ABI2: variants seen among roughly 807,000 people sequenced by gnomAD.
The protein encoded by ABI2 is abl interactor 2, also known as abelson interactor 2.
A neutral mutation model predicts 59.2 loss-of-function variants in ABI2; 25 were observed. That is an observed-to-expected ratio of 0.42 (90% CI 0.31 to 0.59). The LOEUF (loss-of-function observed/expected upper bound fraction) is 0.59. Ranked by LOEUF, ABI2 falls within the 20% of genes least tolerant of loss-of-function variation. The probability of loss-of-function intolerance (pLI) is 0.14; values close to 1 mark genes in which losing one functional copy is unlikely to be tolerated. For synonymous variants in ABI2, 213 were observed against 235.5 expected, an observed-to-expected ratio of 0.90 and a Z score of 0.87; for missense variants, 545 against 681.8, an observed-to-expected ratio of 0.80 and a Z score of 2.23.
chr2:203,378,302 G>A (rs1048340391), intron 2 of ABI2, among the ~76,000 whole-genome samples: 28 of 151,962 alleles, frequency 1.8e-4, no homozygotes, highest in South Asian at 4.2e-4. Flanking sequence ...TAGTAGAGAC[G>A]GGGTTTCACC....
At chr2:203,343,283 G>A (rs1304209802) in intron 1 of ABI2, among the ~76,000 whole-genome samples, 2 of 152,208 alleles carry the variant, frequency 1.3e-5, no homozygotes, top group African/African-American at 4.8e-5. Flanking sequence ...AGAATCGCAT[G>A]AACTCGGGAA....
At chr2:203,355,937 T>C (rs1232066857) in intron 1 of ABI2, among the ~76,000 whole-genome samples, 1 of 151,446 alleles carries the variant, frequency 6.6e-6, no homozygotes, top group African/African-American at 2.4e-5. Flanking sequence ...AGATTGGAAA[T>C]AATTTTTTCC....
rs148025289 is a variant in ABI2 at position 203,363,908 on chromosome 2, G to A, written c.118-2969G>A. On this transcript the variant is annotated intron_variant, in intron 1 of 11. Transcript: ENST00000261018. ...GACTCCCAAGTAGCTGGGATTACAGGCATGTGCCACCATGCCTGGCTAATT... is the reference window on the plus strand; with the variant it reads ...GACTCCCAAGTAGCTGGGATTACAGACATGTGCCACCATGCCTGGCTAATT... Among the ~76,000 whole-genome samples, 101 of 151,994 alleles carry A rather than the reference G, an allele frequency of 6.6e-4. 1 individual carries two copies. Among genetic ancestry groups the A allele is most frequent in the Middle Eastern group, 3.4e-3 (1 of 294 alleles).
chr2:203,373,807 G>T (rs2095485622), intron 2 of ABI2, among the ~76,000 whole-genome samples: 2 of 152,210 alleles, frequency 1.3e-5, no homozygotes, highest in Admixed American at 6.5e-5. Flanking sequence ...CTTCTCAAGA[G>T]CTAGGTATTG....
intron 2 of ABI2, among the ~76,000 whole-genome samples, chr2:203,374,454 G>C (rs1305029516): frequency 6.8e-6 from 1 of 146,858 alleles, no homozygotes; most frequent in South Asian, 2.1e-4. Context: ...AGCTGAGATC[G>C]TGCCACTGCA....
intron 9 of ABI2, among the ~76,000 whole-genome samples, chr2:203,406,072 A>G (rs925650789): frequency 2.0e-5 from 3 of 152,212 alleles, no homozygotes; most frequent in African/African-American, 7.2e-5. Flanking sequence ...CCAGCCAATG[A>G]AATAGGAATA....
At chr2:203,387,038 T>TC (rs2096554683) in intron 4 of ABI2, among the ~76,000 whole-genome samples, 1 of 148,868 alleles carries the variant, frequency 6.7e-6, no homozygotes. Flanking sequence ...TCCTTTTTTT[T>TC]CCCCGCAGGC....
At chr2:203,376,535 A>G (rs1039024135) in intron 2 of ABI2, among the ~76,000 whole-genome samples, 1 of 152,228 alleles carries the variant, frequency 6.6e-6, no homozygotes, top group Admixed American at 6.5e-5. Flanking sequence ...AAAAGCAACA[A>G]CAAATATATT....
intron 11 of ABI2, among the ~76,000 whole-genome samples, chr2:203,423,956 T>C (rs1030478512): frequency 3.3e-5 from 5 of 152,198 alleles, no homozygotes; most frequent in Non-Finnish European, 7.3e-5. Flanking sequence ...AGCAGAAACA[T>C]TTAGAAGAAC....
intron 1 of ABI2, among the ~76,000 whole-genome samples, chr2:203,361,280 G>C (rs12474416): frequency 6.6e-6 from 1 of 151,868 alleles, no homozygotes; most frequent in Non-Finnish European, 1.5e-5. Flanking sequence ...CAATTCTCGG[G>C]CTTAAATCAC....
intron 1 of ABI2, among the ~76,000 whole-genome samples, chr2:203,341,485 C>A (rs573845550): frequency 6.8e-4 from 104 of 152,274 alleles, no homozygotes; most frequent in African/African-American, 2.4e-3. Context: ...GAGGCTGAGG[C>A]AGGCAGACTT....
At chr2:203,355,526 A>G (rs1181327493) in intron 1 of ABI2, among the ~76,000 whole-genome samples, 2 of 151,466 alleles carry the variant, frequency 1.3e-5, no homozygotes, top group African/African-American at 4.9e-5. Flanking sequence ...AAAGAAAACA[A>G]CAAAAAACAA....
rs138552153 is a variant in ABI2, at chr2:203,365,471, A to G, written c.118-1406A>G. Among the ~76,000 whole-genome samples the G allele has an allele frequency of 2.3e-3, 343 of 152,234 alleles. 3 individuals carry two copies. The highest frequency in any genetic ancestry group is 7.8e-3 in the African/African-American group (324 of 41,552). On this transcript the variant is annotated intron_variant, in intron 1 of 11. Coordinates refer to ENST00000261018, the MANE Select transcript of ABI2 (RefSeq NM_001375670.1). ...TTTCATTATTGTATAATTTAAAGCT[A>G]CAAATGTAGCAGAACTTGTAAAACT...
At chr2:203,419,210 C>T (rs992999484) in intron 11 of ABI2, among the ~76,000 whole-genome samples, 3 of 150,698 alleles carry the variant, frequency 2.0e-5, no homozygotes, top group East Asian at 2.0e-4. Flanking sequence ...CCCGGGTTCA[C>T]GCCATTCTTC....
chr2:203,344,540 T>TTTG (rs751012351), intron 1 of ABI2, among the ~76,000 whole-genome samples: 24,373 of 142,852 alleles, frequency 0.17, 2,348 homozygotes, highest in East Asian at 0.52. Context: ...TAATTTTTGC[T>TTTG]TTGTTGTTGT....
Position 203,428,780 on chromosome 2 carries a change from TC to T in ABI2, c.*1429del, listed in dbSNP as rs2098460768. On this transcript the variant is annotated 3_prime_UTR_variant, in exon 12 of 12. Coordinates refer to ENST00000261018, the MANE Select transcript of ABI2 (RefSeq NM_001375670.1). The stretch of plus-strand genomic sequence containing the variant: ...ACTGTGATGTTGGGCCAGCTCCTGT[TC>T]AGGTCCAGAGCTGCTAACGTGGGTT... The T allele has an allele frequency of 6.6e-6, 1 of 152,324 alleles. No homozygotes were observed. Among genetic ancestry groups the T allele is most frequent in the Admixed American group, 6.5e-5 (1 of 15,284 alleles). 9.4% of individuals were successfully genotyped at this position (152,324 alleles called of 1,614,324 possible).
intron 2 of ABI2, among the ~76,000 whole-genome samples, chr2:203,376,733 CTTT>C (rs370295013): frequency 8.7e-6 from 1 of 114,894 alleles, no homozygotes; most frequent in Non-Finnish European, 1.8e-5. Flanking sequence ...TTGGTCTTCC[CTTT>C]TTTTTTTTTT....
intron 1 of ABI2, among the ~76,000 whole-genome samples, chr2:203,363,030 C>T (rs921997585): frequency 2.0e-5 from 3 of 151,996 alleles, no homozygotes; most frequent in African/African-American, 7.2e-5. Flanking sequence ...AGGGTTTTAC[C>T]ATATTGGCCA....
chr2:203,426,958 A>G (rs1194975155), intron 11 of ABI2, among the ~76,000 whole-genome samples: 1 of 151,904 alleles, frequency 6.6e-6, no homozygotes, highest in Non-Finnish European at 1.5e-5. Context: ...CCCCATTTGT[A>G]CTCAATTTAG....
Sources: allele counts gnomAD v4.1 joint callset (sites outside exome capture counted in the v4.1 genomes callset), GRCh38; gene constraint gnomAD v4.1.1; transcripts MANE v1.5; gene names NCBI Gene and HGNC (gene_info 2026-07-23, HGNC 2026-07-21).